Variants in SNX10 observed in about 807,000 individuals in gnomAD.
SNX10 encodes sorting nexin 10, also known as sorting nexin-10.
A neutral mutation model predicts 28.5 loss-of-function variants in SNX10; 25 were observed. The ratio of observed to expected loss-of-function variants is 0.88; its 90% CI spans 0.64 to 1.22. The LOEUF (loss-of-function observed/expected upper bound fraction) is 1.22, where lower values mean the gene tolerates loss of function less well. Ranked by LOEUF, SNX10 falls within the 50% of genes most tolerant of loss-of-function variation. The pLI, the probability that SNX10 is intolerant of heterozygous loss-of-function variation, is 0.00. For missense variants in SNX10, 223 were observed against 242.6 expected, an observed-to-expected ratio of 0.92 and a Z score of 0.54; for synonymous variants, 62 against 81.4, an observed-to-expected ratio of 0.76 and a Z score of 1.28.
chr7:26,322,254 G>T (rs772766601), intron 1 of SNX10, among the ~76,000 whole-genome samples: 6 of 152,206 alleles, frequency 3.9e-5, no homozygotes, highest in Non-Finnish European at 5.9e-5. Flanking sequence ...TTACTAAAAT[G>T]TAAAAAAGAA....
At chr7:26,317,940 C>T (rs148534794) in intron 1 of SNX10, among the ~76,000 whole-genome samples, 5,887 of 152,122 alleles carry the variant, frequency 0.039, 377 homozygotes, top group East Asian at 0.27. Context: ...GGATTACAGA[C>T]GTGAGCCACC....
chr7:26,331,896 G>A (rs749115988), intron 1 of SNX10, among the ~76,000 whole-genome samples: 1 of 152,132 alleles, frequency 6.6e-6, no homozygotes, highest in Non-Finnish European at 1.5e-5. Flanking sequence ...TTCACTTATT[G>A]TAATGTTTTC....
intron 2 of SNX10, among the ~76,000 whole-genome samples, chr7:26,354,335 T>G (rs1266245267): frequency 1.3e-5 from 2 of 152,130 alleles, no homozygotes; most frequent in Non-Finnish European, 2.9e-5. Context: ...TTGAATTCTA[T>G]TTTTTAAATA....
At chr7:26,361,941 G>C (rs1789089409) in intron 3 of SNX10, among the ~76,000 whole-genome samples, 1 of 152,212 alleles carries the variant, frequency 6.6e-6, no homozygotes, top group African/African-American at 2.4e-5. Context: ...GGGGAGCATA[G>C]CAATTGACCC....
In SNX10 at chr7:26,372,589, T is replaced by A; in HGVS notation, c.*17T>A. 6.8e-7 allele frequency: 1 copy of A among 1,473,510 alleles called. No individual in the cohort carries two copies. The highest frequency in any genetic ancestry group is 1.7e-5 in the Admixed American group (1 of 59,842). The allele number at this position is 1,473,510 out of a possible 1,614,324, so 91.3% of individuals were successfully genotyped here. On this transcript the variant is annotated 3_prime_UTR_variant, in exon 7 of 7. Transcript: ENST00000338523. Reference sequence around the variant, plus strand: ...GAATCCTGAAAAATAATTCTAATGTTACTATCTTAGGAATAGCAAATTATG... The same window carrying A: ...GAATCCTGAAAAATAATTCTAATGTAACTATCTTAGGAATAGCAAATTATG...
At chr7:26,353,425 C>G (rs1788683877) in intron 2 of SNX10, among the ~76,000 whole-genome samples, 1 of 145,370 alleles carries the variant, frequency 6.9e-6, no homozygotes, top group Non-Finnish European at 1.5e-5. Flanking sequence ...GTGATTAACA[C>G]ACTGGTAAAT....
chr7:26,298,454 G>A (rs923280040), intron 1 of SNX10, among the ~76,000 whole-genome samples: 3 of 152,150 alleles, frequency 2.0e-5, no homozygotes, highest in African/African-American at 7.2e-5. Flanking sequence ...TGTTGACGAA[G>A]GTGTGGGAAA....
rs1789193533 is a variant in SNX10 at position 26,364,050 on chromosome 7, T to C, written c.112-485T>C. Among the ~76,000 whole-genome samples, 2 of 152,114 alleles carry C rather than the reference T, an allele frequency of 1.3e-5. No individual in the cohort carries two copies. Among genetic ancestry groups the C allele is most frequent in the South Asian group, 4.2e-4 (2 of 4,818 alleles). ...GAATGCTGTTCTCTAGGATTTCTGG[T>C]GATTTGTATGATCTGCAGGGTGGCC... On this transcript the variant is annotated intron_variant, in intron 3 of 6. Transcript: ENST00000338523. The surrounding 1 kb of genome is among the most constrained non-coding windows in gnomAD (Gnocchi z 4.9).
At chr7:26,363,095 T>C (rs1789148233) in intron 3 of SNX10, among the ~76,000 whole-genome samples, 1 of 152,166 alleles carries the variant, frequency 6.6e-6, no homozygotes, top group Non-Finnish European at 1.5e-5. Context: ...TGGTATAACA[T>C]GGTCTGCAAA....
chr7:26,353,298 G>A (rs775226066), intron 2 of SNX10, among the ~76,000 whole-genome samples: 1 of 152,128 alleles, frequency 6.6e-6, no homozygotes, highest in Non-Finnish European at 1.5e-5. Context: ...ATAAAGAAAG[G>A]TTGCTTGATA....
At position 26,372,682 on chromosome 7, in the gene SNX10, G is replaced by T; in HGVS notation, c.*110G>T. ...CTAAAGCTCACTGTCATGATGTTAG[G>T]TATTTAAATTCTTAAAGATGTTGGG... On this transcript the variant is annotated 3_prime_UTR_variant, in exon 7 of 7. Coordinates refer to ENST00000338523, the MANE Select transcript of SNX10 (RefSeq NM_013322.3). 1.5e-6 allele frequency: 1 copy of T among 678,804 alleles called. No homozygotes were observed. Among genetic ancestry groups the T allele is most frequent in the Middle Eastern group, 2.9e-4 (1 of 3,488 alleles). The allele number at this position is 678,804 out of a possible 1,614,324, so 42.0% of individuals were successfully genotyped here.
intron 2 of SNX10, chr7:26,357,121 C>T: frequency 2.2e-6 from 2 of 908,818 alleles, no homozygotes; most frequent in Non-Finnish European, 3.1e-6. Context: ...CTAGAGGAGG[C>T]CTACAGGTAA....
intron 1 of SNX10, among the ~76,000 whole-genome samples, chr7:26,314,834 C>A (rs1787006838): frequency 6.6e-6 from 1 of 152,034 alleles, no homozygotes; most frequent in African/African-American, 2.4e-5. Context: ...CCTGTCTTTA[C>A]TGAAAATACA....
At chr7:26,335,359 A>G (rs1562802175) in intron 1 of SNX10, among the ~76,000 whole-genome samples, 1 of 152,192 alleles carries the variant, frequency 6.6e-6, no homozygotes, top group Non-Finnish European at 1.5e-5. Context: ...CTCCATTCTT[A>G]AAGAACCACC....
chr7:26,337,006 C>T (rs1190566479), intron 1 of SNX10, among the ~76,000 whole-genome samples: 1 of 152,128 alleles, frequency 6.6e-6, no homozygotes, highest in African/African-American at 2.4e-5. Context: ...TATATTGTTG[C>T]TTTTGAAATA....
intron 5 of SNX10, among the ~76,000 whole-genome samples, chr7:26,366,508 G>A (rs79397862): frequency 0.016 from 2,415 of 152,296 alleles, 28 homozygotes; most frequent in Non-Finnish European, 0.026. Flanking sequence ...TCACAGGCAT[G>A]GCAGGACAGA....
intron 1 of SNX10, among the ~76,000 whole-genome samples, chr7:26,343,778 G>A (rs930557644): frequency 2.0e-5 from 3 of 152,132 alleles, no homozygotes; most frequent in Non-Finnish European, 4.4e-5. Context: ...CATGATAACC[G>A]GACTTGAGCC....
In SNX10 at chr7:26,325,210, C is replaced by G. The variant is rs544351567; in HGVS notation, c.-23-21210C>G. On this transcript the variant is annotated intron_variant, in intron 1 of 6. Coordinates refer to ENST00000338523, the MANE Select transcript of SNX10 (RefSeq NM_013322.3). The stretch of plus-strand genomic sequence containing the variant: ...CTAAGGATTTGCTTAGATCACTTGA[C>G]AGGCCTGTTCTCCTTTGCCTTTCCC... 2.7e-5 allele frequency among the ~76,000 whole-genome samples: 4 copies of G among 150,442 alleles called. No individual in the cohort carries two copies. The South Asian group carries it at 8.5e-4, about 32-fold the overall frequency.
chr7:26,321,022 G>C (rs957797955), intron 1 of SNX10, among the ~76,000 whole-genome samples: 47 of 152,202 alleles, frequency 3.1e-4, no homozygotes, highest in African/African-American at 1.0e-3. Context: ...TCTGGGTGCT[G>C]ATCTTTCTGA....
Sources: allele counts gnomAD v4.1 joint callset (sites outside exome capture counted in the v4.1 genomes callset), GRCh38; gene constraint gnomAD v4.1.1; non-coding constraint Gnocchi (gnomAD v3.1); transcripts MANE v1.5; gene names NCBI Gene and HGNC (gene_info 2026-07-23, HGNC 2026-07-21).